GAPVD1: variants seen among roughly 807,000 people sequenced by gnomAD.
GAPVD1 encodes GTPase-activating protein and VPS9 domain-containing protein 1.
In GAPVD1, 35 loss-of-function variants were observed where a neutral mutation model predicts 155.5. The ratio of observed to expected loss-of-function variants is 0.23; its 90% CI spans 0.17 to 0.30. The LOEUF (loss-of-function observed/expected upper bound fraction) is 0.30, where lower values mean the gene tolerates loss of function less well. GAPVD1 is among the 10% of genes least tolerant of loss of function. The pLI, the probability that GAPVD1 is intolerant of heterozygous loss-of-function variation, is 1.00. For synonymous variants in GAPVD1, 636 were observed against 619.7 expected, an observed-to-expected ratio of 1.03 and a Z score of -0.39; for missense variants, 1,429 against 1,775.7, an observed-to-expected ratio of 0.80 and a Z score of 3.51.
intron 15 of GAPVD1, among the ~76,000 whole-genome samples, chr9:125,334,657 C>T (rs1354145705): frequency 2.0e-5 from 3 of 152,018 alleles, no homozygotes; most frequent in Non-Finnish European, 4.4e-5. Context: ...CCCAGCACTT[C>T]GAGAGGCTGA....
At chr9:125,346,711 A>G in intron 19 of GAPVD1, 108 bp from the exon 20 acceptor site, 1 of 873,258 alleles carries the variant, frequency 1.1e-6, no homozygotes, top group South Asian at 1.3e-5. Context: ...GCTCTTTTTA[A>G]GTCTTACCTC....
chr9:125,273,501 T>C (rs973785740), intron 2 of GAPVD1, among the ~76,000 whole-genome samples: 3 of 150,622 alleles, frequency 2.0e-5, no homozygotes, highest in Non-Finnish European at 3.0e-5. Flanking sequence ...CTTTTCTTTT[T>C]TTTTTTTTTT....
chr9:125,326,231 T>G (rs1392507210), intron 11 of GAPVD1, among the ~76,000 whole-genome samples, 185 bp from the exon 12 acceptor site: 1 of 152,188 alleles, frequency 6.6e-6, no homozygotes, highest in Non-Finnish European at 1.5e-5. Context: ...AGAAGTGAAT[T>G]GATAGGCCAG....
intron 2 of GAPVD1, among the ~76,000 whole-genome samples, chr9:125,293,872 A>AT (rs1564311669): frequency 1.4e-4 from 2 of 14,606 alleles, no homozygotes; most frequent in East Asian, 1.9e-3. Context: ...ATATATATAT[A>AT]TATATATATA....
chr9:125,283,282 C>A (rs1159946735), intron 2 of GAPVD1, among the ~76,000 whole-genome samples: 1 of 152,058 alleles, frequency 6.6e-6, no homozygotes, highest in African/African-American at 2.4e-5. Flanking sequence ...TGGTCTCGAA[C>A]TCCTGACCTC....
intron 2 of GAPVD1, among the ~76,000 whole-genome samples, chr9:125,269,467 C>T (rs756130619): frequency 1.3e-5 from 2 of 151,556 alleles, no homozygotes; most frequent in Non-Finnish European, 2.9e-5. Flanking sequence ...CTTAAGTAAT[C>T]GTTTTCAGGA....
chr9:125,363,626 C>G lies in GAPVD1; in HGVS notation c.*880C>G, dbSNP rs1026349475. On this transcript the variant is annotated 3_prime_UTR_variant, in exon 28 of 28. Coordinates refer to ENST00000297933, the MANE Select transcript of GAPVD1 (RefSeq NM_001282680.3). Reference sequence around the variant, plus strand: ...CATACTTTATGGTGGTTCTTCTCCTCCGAAATAATATACTGCAGAAATCCC... The same window carrying G: ...CATACTTTATGGTGGTTCTTCTCCTGCGAAATAATATACTGCAGAAATCCC... The G allele has an allele frequency of 6.6e-6, 1 of 152,542 alleles. No individual in the cohort carries two copies. The highest frequency in any genetic ancestry group is 2.4e-5 in the African/African-American group (1 of 41,418). The allele number at this position is 152,542 out of a possible 1,614,324, so 9.4% of individuals were successfully genotyped here.
chr9:125,338,523 C>T lies in GAPVD1; in HGVS notation c.2877+932C>T, dbSNP rs2132021348. Among the ~76,000 whole-genome samples, 2 of 152,252 alleles carry T rather than the reference C, an allele frequency of 1.3e-5. 1 individual carries two copies. Among genetic ancestry groups the T allele is most frequent in the Middle Eastern group, 6.8e-3 (2 of 294 alleles). ...TAGTCTCCTTCAGTCTAGAACAGTT[C>T]CTCAGTTTTTTCTTGACTCATATGA... On this transcript the variant is annotated intron_variant, in intron 17 of 27. Coordinates refer to ENST00000297933, the MANE Select transcript of GAPVD1 (RefSeq NM_001282680.3).
intron 10 of GAPVD1, among the ~76,000 whole-genome samples, chr9:125,322,107 C>G (rs1050883423): frequency 2.0e-5 from 3 of 152,204 alleles, no homozygotes; most frequent in African/African-American, 7.2e-5. Context: ...GTTCGTTGCC[C>G]AGGCTGGAGT....
chr9:125,312,852 C>G (rs879805804), intron 9 of GAPVD1, among the ~76,000 whole-genome samples: 3 of 152,060 alleles, frequency 2.0e-5, no homozygotes, highest in Non-Finnish European at 4.4e-5. Context: ...TGGAGTGTCA[C>G]TCTTGTTGCC....
At chr9:125,320,796 T>G (rs934985871) in intron 9 of GAPVD1, among the ~76,000 whole-genome samples, 4 of 151,948 alleles carry the variant, frequency 2.6e-5, no homozygotes, top group African/African-American at 7.3e-5. Context: ...CGGCTAATTT[T>G]TTTTGTAGTT....
rs62580626 is a variant in GAPVD1, at chr9:125,263,543, G to A, written c.-199+1584G>A. 5 of 1,017,042 alleles carry A rather than the reference G, an allele frequency of 4.9e-6. No homozygotes were observed. In the Admixed American group the frequency reaches 7.8e-5, roughly 16 times the overall value. The allele number at this position is 1,017,042 out of a possible 1,614,324, so 63.0% of individuals were successfully genotyped here. ...AAGAACTGTTGTTTTTTTTTTTTTG[G>A]TTGTAAGTTTATTCAATGCAAAAGA... is the stretch of plus-strand genomic sequence containing the variant. On this transcript the variant is annotated intron_variant, in intron 1 of 27. Coordinates refer to ENST00000297933, the MANE Select transcript of GAPVD1 (RefSeq NM_001282680.3).
At chr9:125,269,292 G>C (rs766717683) in intron 2 of GAPVD1, among the ~76,000 whole-genome samples, 2 of 151,940 alleles carry the variant, frequency 1.3e-5, no homozygotes, top group Non-Finnish European at 2.9e-5. Context: ...ATGTTTAGTT[G>C]AGTGTTTTTT....
In GAPVD1 at chr9:125,294,386, C is replaced by T. The variant is rs370652144; in HGVS notation, c.-149-1072C>T. The stretch of plus-strand genomic sequence containing the variant: ...TTTTTGAGACGGAATCTCGCTCTGT[C>T]GCCCAGGCTGGAGTGCAGCGCGTGA... On this transcript the variant is annotated intron_variant, in intron 2 of 27. Transcript: ENST00000297933. Among the ~76,000 whole-genome samples the T allele has an allele frequency of 1.6e-4, 22 of 140,490 alleles. 1 individual carries two copies. In the South Asian group the frequency reaches 3.2e-3, roughly 20 times the overall value. 92.2% of individuals were successfully genotyped at this position (140,490 alleles called of 152,430 possible).
Position 125,365,144 on chromosome 9 carries a change from A to T in GAPVD1, c.*2398A>T, listed in dbSNP as rs1430745233. On this transcript the variant is annotated 3_prime_UTR_variant, in exon 28 of 28. Coordinates refer to ENST00000297933, the MANE Select transcript of GAPVD1 (RefSeq NM_001282680.3). ...CCCCCAGAGATTTGACATCTGTGAC[A>T]CCTGTGAAATGGGTTCGGGTGCTCA... 4 of 152,136 alleles carry T rather than the reference A, an allele frequency of 2.6e-5. No homozygotes were observed. The highest frequency in any genetic ancestry group is 5.9e-5 in the Non-Finnish European group (4 of 68,054). The allele number at this position is 152,136 out of a possible 1,614,324, so 9.4% of individuals were successfully genotyped here. A position where few individuals can be genotyped will look rare whatever the true frequency, so the allele number is the denominator to read the frequency against.
intron 2 of GAPVD1, among the ~76,000 whole-genome samples, chr9:125,273,038 A>C (rs1213970976): frequency 6.6e-6 from 1 of 152,140 alleles, no homozygotes; most frequent in African/African-American, 2.4e-5. Context: ...AACTTCCTCT[A>C]AGTTTACAGT....
chr9:125,265,142 A>T (rs1266693347), intron 1 of GAPVD1, among the ~76,000 whole-genome samples: 1 of 152,222 alleles, frequency 6.6e-6, no homozygotes, highest in Non-Finnish European at 1.5e-5. Flanking sequence ...TTGATTATTC[A>T]TCATTTTGTA....
At chr9:125,345,705 C>T (rs558628398) in intron 19 of GAPVD1, among the ~76,000 whole-genome samples, 58 of 152,218 alleles carry the variant, frequency 3.8e-4, no homozygotes, top group African/African-American at 1.4e-3. Context: ...ATGATAACAA[C>T]GTTTCTCTGT....
chr9:125,362,680 G>T lies in GAPVD1; in HGVS notation c.4317G>T (p.Glu1439Asp). ...SFYASCLSGE[E>D]SYWWMQFTAA... is the part of the protein sequence containing the mutation. ...ATGCTAGCTGTCTGTCTGGAGAGGA[G>T]TCCTATTGGTGGATGCAGTTCACAG... The change falls in exon 28 of 28, where the codon GAG (glutamate) becomes GAT (aspartate). Residue 1439 changes from glutamate (E) to aspartate (D), a missense_variant. By Grantham distance (45) the Glu-to-Asp change is conservative (BLOSUM62 2). This residue lies in a region of GAPVD1 where 102 missense variants were observed against 196.5 expected (regional missense o/e 0.52). Transcript: ENST00000297933. 6.2e-7 allele frequency: 1 copy of T among 1,613,636 alleles called. No individual in the cohort carries two copies. The highest frequency in any genetic ancestry group is 8.5e-7 in the Non-Finnish European group (1 of 1,179,640).
Sources: allele counts gnomAD v4.1 joint callset (sites outside exome capture counted in the v4.1 genomes callset), GRCh38; gene constraint gnomAD v4.1.1; regional missense constraint gnomAD v4.1.1; transcripts MANE v1.5; gene names NCBI Gene and HGNC (gene_info 2026-07-23, HGNC 2026-07-21).